LMNA: variants seen among roughly 807,000 people sequenced by gnomAD.
LMNA encodes the protein lamin.
In LMNA, 20 loss-of-function variants were observed where a neutral mutation model predicts 70.4. The ratio of observed to expected loss-of-function variants is 0.28; its 90% CI spans 0.20 to 0.41. LMNA has a LOEUF of 0.41. LMNA is among the 10% of genes least tolerant of loss of function. The probability of loss-of-function intolerance (pLI) is 1.00; values close to 1 mark genes in which losing one functional copy is unlikely to be tolerated. For missense variants in LMNA, 652 were observed against 917.2 expected (o/e 0.71, Z 3.73); for synonymous variants, 339 against 372.8 (o/e 0.91, Z 1.04).
intron 1 of LMNA, among the ~76,000 whole-genome samples, chr1:156,124,631 C>T (rs1650427921): frequency 6.6e-6 from 1 of 152,156 alleles, no homozygotes; most frequent in African/African-American, 2.4e-5. Flanking sequence ...GGGATAGCAC[C>T]TCAAATGCCA....
chr1:156,129,475 C>G (rs1650862641), intron 1 of LMNA, among the ~76,000 whole-genome samples: 1 of 152,158 alleles, frequency 6.6e-6, no homozygotes, highest in African/African-American at 2.4e-5. Context: ...TGCTTTTCTC[C>G]TTTCCAGGAT....
At chr1:156,128,036 G>T (rs1650744612) in intron 1 of LMNA, among the ~76,000 whole-genome samples, 1 of 152,004 alleles carries the variant, frequency 6.6e-6, no homozygotes, top group African/African-American at 2.4e-5. Context: ...TGCCAAAGTG[G>T]TACAGCATGG....
At chr1:156,102,665 C>T (rs575582634) in intron 3 of LMNA, among the ~76,000 whole-genome samples, 1 of 152,278 alleles carries the variant, frequency 6.6e-6, no homozygotes, top group African/African-American at 2.4e-5. Context: ...CTCCTGCAGC[C>T]GGCTCTTTGC....
intron 1 of LMNA, among the ~76,000 whole-genome samples, chr1:156,127,236 G>A (rs1313549734): frequency 6.6e-6 from 1 of 152,162 alleles, no homozygotes; most frequent in Admixed American, 6.5e-5. Flanking sequence ...GAGACACTGG[G>A]CTCTACTGTA....
At chr1:156,107,195 G>C (rs1053239340) in intron 3 of LMNA, among the ~76,000 whole-genome samples, 2 of 152,118 alleles carry the variant, frequency 1.3e-5, no homozygotes, top group Non-Finnish European at 2.9e-5. Flanking sequence ...GCTTGTCACC[G>C]GGGGGACTGG....
Position 156,136,799 on chromosome 1 carries a change from T to G in LMNA, c.1381-122T>G, listed in dbSNP as rs1572365271. On this transcript the variant is annotated intron_variant, in intron 7 of 11. Transcript: ENST00000368300. The surrounding 1 kb of genome is among the most constrained non-coding windows in gnomAD (Gnocchi z 6.1). ...CCCGGGGGAAGGGCAGTGACAGGGG[T>G]GTGTGTAGATGGAAGGAGAGGCCTC... 1.3e-6 allele frequency: 1 copy of G among 793,674 alleles called. No individual in the cohort carries two copies. The allele number at this position is 793,674 out of a possible 1,614,324, so 49.2% of individuals were successfully genotyped here. A position where few individuals can be genotyped will look rare whatever the true frequency, so the allele number is the denominator to read the frequency against.
chr1:156,085,923 G>A (rs1232048998), intron 2 of LMNA, among the ~76,000 whole-genome samples: 1 of 152,156 alleles, frequency 6.6e-6, no homozygotes, highest in Non-Finnish European at 1.5e-5. Flanking sequence ...GGGCATGGTG[G>A]TGCACACCTG....
intron 3 of LMNA, among the ~76,000 whole-genome samples, chr1:156,102,894 G>T (rs890281419): frequency 2.6e-5 from 4 of 152,200 alleles, no homozygotes; most frequent in Non-Finnish European, 5.9e-5. Flanking sequence ...TGTGTCTATA[G>T]GTCTTCCCGT....
intron 3 of LMNA, among the ~76,000 whole-genome samples, chr1:156,095,966 G>A (rs190625345): frequency 4.6e-5 from 7 of 152,328 alleles, no homozygotes; most frequent in Admixed American, 1.3e-4. Flanking sequence ...GAGCAGAGGC[G>A]TGATCTACTC....
chr1:156,139,937 TG>T lies in LMNA; in HGVS notation c.*832del. On this transcript the variant is annotated 3_prime_UTR_variant, in exon 12 of 12. Coordinates refer to ENST00000368300, the MANE Select transcript of LMNA (RefSeq NM_170707.4). ...GGAGGTCACTGGAAAGGGGAGAGCC[TG>T]CTGGCACCCACCGTGGAGGAGGAAG... 2 of 1,127,184 alleles carry T rather than the reference TG, an allele frequency of 1.8e-6. No individual in the cohort carries two copies. The highest frequency in any genetic ancestry group is 2.4e-6 in the Non-Finnish European group (2 of 829,734). 69.8% of individuals were successfully genotyped at this position (1,127,184 alleles called of 1,614,324 possible). A position where few individuals can be genotyped will look rare whatever the true frequency, so the allele number is the denominator to read the frequency against.
chr1:156,110,907 C>T (rs1196848369), upstream of LMNA, among the ~76,000 whole-genome samples: 1 of 152,090 alleles, frequency 6.6e-6, no homozygotes, highest in African/African-American at 2.4e-5. Flanking sequence ...ACATGGAAGG[C>T]AGAGGTTGCA....
chr1:156,118,675 G>A lies in LMNA; in HGVS notation c.356+3401G>A, dbSNP rs191389937. On this transcript the variant is annotated intron_variant, in intron 1 of 11. Coordinates refer to ENST00000368300, the MANE Select transcript of LMNA (RefSeq NM_170707.4). Reference sequence around the variant, plus strand: ...TCTGCTGTGCTCAGAGTGAGGTAGAGAAGTGGGTAGAGTAAAGAATTTGGG... The same window carrying A: ...TCTGCTGTGCTCAGAGTGAGGTAGAAAAGTGGGTAGAGTAAAGAATTTGGG... 7.6e-4 allele frequency among the ~76,000 whole-genome samples: 115 copies of A among 152,298 alleles called. 1 individual carries two copies. Among genetic ancestry groups the A allele is most frequent in the Non-Finnish European group, 9.8e-4 (67 of 68,032 alleles).
Position 156,138,335 on chromosome 1 carries a change from C to A in LMNA, c.1699-153C>A. 1 of 776,736 alleles carries A rather than the reference C, an allele frequency of 1.3e-6. No individual in the cohort carries two copies. The highest frequency in any genetic ancestry group is 2.0e-6 in the Non-Finnish European group (1 of 490,960). The allele number at this position is 776,736 out of a possible 1,614,324, so 48.1% of individuals were successfully genotyped here. A position where few individuals can be genotyped will look rare whatever the true frequency, so the allele number is the denominator to read the frequency against. Reference sequence around the variant, plus strand: ...TCCCTCTCCTCCTCCGGGCCCCTAGCCTCCCAAACCCCCATTGCCCGCTGG... The same window carrying A: ...TCCCTCTCCTCCTCCGGGCCCCTAGACTCCCAAACCCCCATTGCCCGCTGG... On this transcript the variant is annotated intron_variant, in intron 10 of 11. Coordinates refer to ENST00000368300, the MANE Select transcript of LMNA (RefSeq NM_170707.4). This position sits in a 1 kb window ranked among gnomAD's most constrained non-coding sequence, Gnocchi z 5.5.
intron 2 of LMNA, among the ~76,000 whole-genome samples, chr1:156,084,201 AC>A (rs1572304779): frequency 6.6e-6 from 1 of 152,124 alleles, no homozygotes; most frequent in Non-Finnish European, 1.5e-5. Flanking sequence ...AATTGACTTC[AC>A]AGACTTAGCA....
rs770473966 is a variant in LMNA at position 156,116,604 on chromosome 1, G to A, written c.356+1330G>A. ...ACCCTTTGCTAGGTGTGGTTTTGTT[G>A]CCCAGGCTGGAGTGCAATGGCACAA... On this transcript the variant is annotated intron_variant, in intron 1 of 11. Transcript: ENST00000368300. Among the ~76,000 whole-genome samples the A allele has an allele frequency of 4.6e-5, 7 of 152,120 alleles. No homozygotes were observed. In the East Asian group the frequency reaches 1.2e-3, roughly 25 times the overall value.
intron 1 of LMNA, among the ~76,000 whole-genome samples, chr1:156,125,081 A>G (rs2485676): frequency 0.1 from 15,847 of 152,204 alleles, 1,509 homozygotes; most frequent in African/African-American, 0.25. Context: ...AGTTGGTTCA[A>G]GAGAAGGTTC....
chr1:156,088,524 GT>G (rs1245075456), intron 2 of LMNA, among the ~76,000 whole-genome samples: 1 of 152,196 alleles, frequency 6.6e-6, no homozygotes, highest in Non-Finnish European at 1.5e-5. Flanking sequence ...GGTCTTTGGG[GT>G]AGAGCACGGT....
rs1649197781 is a variant in LMNA at position 156,103,114 on chromosome 1, C to T, written c.-206-11599C>T. 6.6e-6 allele frequency among the ~76,000 whole-genome samples: 1 copy of T among 152,220 alleles called. No homozygotes were observed. The highest frequency in any genetic ancestry group is 1.5e-5 in the Non-Finnish European group (1 of 68,032). On this transcript the variant is annotated intron_variant, in intron 3 of 12. Transcript: ENST00000368301. The surrounding 1 kb of genome is among the most constrained non-coding windows in gnomAD (Gnocchi z 4.7). ...ATGGGGGCTGCAGCTGAGCTGGGGACTTTGTCCCTGCAGCTGCTCTGGCCA... is the reference window on the plus strand; with the variant it reads ...ATGGGGGCTGCAGCTGAGCTGGGGATTTTGTCCCTGCAGCTGCTCTGGCCA...
At chr1:156,086,644 C>CT (rs1648491428) in intron 2 of LMNA, among the ~76,000 whole-genome samples, 2 of 152,132 alleles carry the variant, frequency 1.3e-5, no homozygotes, top group African/African-American at 2.4e-5. Context: ...CTTCTTCTTC[C>CT]TTTTTTTTCC....
Sources: allele counts gnomAD v4.1 joint callset (sites outside exome capture counted in the v4.1 genomes callset), GRCh38; gene constraint gnomAD v4.1.1; non-coding constraint Gnocchi (gnomAD v3.1); transcripts MANE v1.5; gene names NCBI Gene and HGNC (gene_info 2026-07-23, HGNC 2026-07-21).